The following NRXN3 variants were observed in gnomAD, a reference collection of about 807,000 sequenced individuals.
NRXN3 encodes neurexin 3, also known as neurexin III.
Under a neutral mutation model 137.6 loss-of-function variants are expected in NRXN3, and 32 were observed. The ratio of observed to expected loss-of-function variants is 0.23; its 90% CI spans 0.18 to 0.31. The LOEUF is 0.31. NRXN3 is among the 10% of genes least tolerant of loss of function. NRXN3 has a pLI of 1.00. For synonymous variants in NRXN3, 798 were observed against 784.5 expected (o/e 1.02, Z -0.29); for missense variants, 1,574 against 2,062.5 (o/e 0.76, Z 4.59).
chr14:79,161,884 A>G (rs1658260066), intron 15 of NRXN3, among the ~76,000 whole-genome samples: 1 of 151,874 alleles, frequency 6.6e-6, no homozygotes, highest in South Asian at 2.1e-4. Context: ...AGATACTGGA[A>G]TAATGAGATC....
chr14:78,311,086 T>C (rs1160453057), intron 4 of NRXN3, among the ~76,000 whole-genome samples: 1 of 152,156 alleles, frequency 6.6e-6, no homozygotes, highest in East Asian at 1.9e-4. Context: ...ACTTGGTACA[T>C]TTGTTCTGGC....
At chr14:78,393,021 T>C (rs2090977408) in intron 4 of NRXN3, among the ~76,000 whole-genome samples, 1 of 152,122 alleles carries the variant, frequency 6.6e-6, no homozygotes, top group Admixed American at 6.6e-5. Flanking sequence ...GATGATGAGT[T>C]AGGAGAAAGG....
intron 6 of NRXN3, among the ~76,000 whole-genome samples, chr14:78,688,036 T>A (rs142070096): frequency 1.5e-3 from 230 of 152,322 alleles, no homozygotes; most frequent in African/African-American, 5.4e-3. Context: ...TAGCCTTTTT[T>A]AGTTTAAAAG....
chr14:78,312,620 A>G (rs2078107402), intron 4 of NRXN3, among the ~76,000 whole-genome samples: 1 of 152,060 alleles, frequency 6.6e-6, no homozygotes, highest in Non-Finnish European at 1.5e-5. Context: ...TTTATCTTTA[A>G]GCCAGTATCA....
intron 19 of NRXN3, among the ~76,000 whole-genome samples, chr14:79,749,488 A>G (rs1249637644): frequency 6.6e-6 from 1 of 151,874 alleles, no homozygotes; most frequent in African/African-American, 2.4e-5. Context: ...GCTTGTCTCA[A>G]ACTCCTGGGT....
chr14:78,593,532 G>T (rs1256929239), intron 4 of NRXN3, among the ~76,000 whole-genome samples: 1 of 152,204 alleles, frequency 6.6e-6, no homozygotes, highest in African/African-American at 2.4e-5. Flanking sequence ...GAGCTTGCTG[G>T]TGACTTTCCT....
chr14:79,008,084 T>A (rs2099557503), intron 15 of NRXN3, among the ~76,000 whole-genome samples: 1 of 152,122 alleles, frequency 6.6e-6, no homozygotes, highest in Admixed American at 6.5e-5. Flanking sequence ...ACTGTTTAGA[T>A]ATCCACATAA....
intron 1 of NRXN3, among the ~76,000 whole-genome samples, chr14:78,235,018 A>G (rs1482973456): frequency 2.1e-4 from 21 of 98,070 alleles, no homozygotes; most frequent in African/African-American, 9.0e-4. Flanking sequence ...ATATATATAT[A>G]TATATGTGTA....
chr14:78,534,353 A>T (rs1318908332), intron 4 of NRXN3, among the ~76,000 whole-genome samples: 1 of 152,210 alleles, frequency 6.6e-6, no homozygotes, highest in Non-Finnish European at 1.5e-5. Flanking sequence ...AGTGTCAATC[A>T]CAGACAGACG....
At position 78,939,943 on chromosome 14, in the gene NRXN3, G is replaced by A. The variant is rs570370796; in HGVS notation, c.2276-17299G>A. 3.3e-5 allele frequency among the ~76,000 whole-genome samples: 5 copies of A among 152,268 alleles called. No individual in the cohort carries two copies. The East Asian group carries it at 9.6e-4, about 29-fold the overall frequency. On this transcript the variant is annotated intron_variant, in intron 10 of 20. Coordinates refer to ENST00000335750, the MANE Select transcript of NRXN3 (RefSeq NM_001330195.2). ...AGTTCCATCCAACTTTTTGTTGCTT[G>A]CTATGACAAAATCGAATAATCTTAA...
At chr14:79,416,623 C>T (rs2095501100) in intron 15 of NRXN3, among the ~76,000 whole-genome samples, 2 of 152,076 alleles carry the variant, frequency 1.3e-5, no homozygotes, top group Non-Finnish European at 2.9e-5. Context: ...CTTGTGATTT[C>T]TCAGTTCTGT....
chr14:78,736,993 G>T (rs2098543881), intron 8 of NRXN3, among the ~76,000 whole-genome samples: 1 of 152,104 alleles, frequency 6.6e-6, no homozygotes, highest in African/African-American at 2.4e-5. Flanking sequence ...AAGTTAATTT[G>T]CTTTTTGGGA....
chr14:79,762,786 A>G lies in NRXN3; in HGVS notation c.4015-42326A>G, dbSNP rs191120348. Among the ~76,000 whole-genome samples, 247 of 151,814 alleles carry G rather than the reference A, an allele frequency of 1.6e-3. 8 individuals carry two copies. Among genetic ancestry groups the G allele is most frequent in the African/African-American group, 5.8e-3 (240 of 41,062 alleles). On this transcript the variant is annotated intron_variant, in intron 19 of 20. Transcript: ENST00000335750. ...TATTTTTCATCTTCTCATTATCACC[A>G]TTACTTAAGAGAGAGGCAAAGTGAT...
intron 3 of NRXN3, chr14:78,282,362 C>G (rs1273355482): frequency 3.0e-6 from 1 of 329,684 alleles, no homozygotes; most frequent in Non-Finnish European, 6.1e-6. Flanking sequence ...GGTGTGAGAC[C>G]CTTCTTCTCC....
intron 15 of NRXN3, among the ~76,000 whole-genome samples, chr14:79,159,769 A>C (rs1286284063): frequency 6.6e-6 from 1 of 151,900 alleles, no homozygotes; most frequent in African/African-American, 2.4e-5. Context: ...TGATAGGAGC[A>C]CTTTTAAAAC....
intron 10 of NRXN3, among the ~76,000 whole-genome samples, chr14:78,840,046 G>A (rs189544885): frequency 4.6e-5 from 7 of 152,276 alleles, no homozygotes; most frequent in Middle Eastern, 3.4e-3. Context: ...CTCAGAATAG[G>A]TTTGAAACAG....
intron 4 of NRXN3, among the ~76,000 whole-genome samples, chr14:78,617,014 C>G (rs922171580): frequency 2.6e-5 from 4 of 152,206 alleles, no homozygotes; most frequent in African/African-American, 9.7e-5. Context: ...GCTCACCCCC[C>G]ACTGCACTAA....
At chr14:78,460,506 T>C (rs1598955523) in intron 4 of NRXN3, among the ~76,000 whole-genome samples, 1 of 152,350 alleles carries the variant, frequency 6.6e-6, no homozygotes, top group East Asian at 1.9e-4. Context: ...TTAGGAGCTG[T>C]ATGCCAGAAA....
At chr14:79,001,946 C>A (rs1401271315) in intron 15 of NRXN3, among the ~76,000 whole-genome samples, 1 of 152,076 alleles carries the variant, frequency 6.6e-6, no homozygotes, top group Non-Finnish European at 1.5e-5. Flanking sequence ...AATGTAAAAC[C>A]TCCTCTAAAG....
Sources: allele counts gnomAD v4.1 joint callset (sites outside exome capture counted in the v4.1 genomes callset), GRCh38; gene constraint gnomAD v4.1.1; transcripts MANE v1.5; gene names NCBI Gene and HGNC (gene_info 2026-07-23, HGNC 2026-07-21).